The following IPO11 variants were observed in gnomAD, a reference collection of about 807,000 sequenced individuals.
IPO11 encodes importin 11.
A neutral mutation model predicts 143.2 loss-of-function variants in IPO11; 66 were observed. The observed-to-expected ratio is 0.46, with a 90% CI of 0.38 to 0.57. The LOEUF (loss-of-function observed/expected upper bound fraction) is 0.57. Among genes scored for constraint, IPO11 ranks in the 20% least tolerant of loss-of-function variants. The probability of loss-of-function intolerance (pLI) is 0.00; values close to 1 mark genes in which losing one functional copy is unlikely to be tolerated. For synonymous variants in IPO11, 385 were observed against 377.8 expected, an observed-to-expected ratio of 1.02 and a Z score of -0.22; for missense variants, 1,026 against 1,141.0, an observed-to-expected ratio of 0.90 and a Z score of 1.45.
intron 8 of IPO11, among the ~76,000 whole-genome samples, 161 bp from the exon 9 acceptor site, chr5:62,476,521 TG>T (rs1745962547): frequency 6.6e-6 from 1 of 152,192 alleles, no homozygotes; most frequent in Non-Finnish European, 1.5e-5. Flanking sequence ...AGGGCTACTG[TG>T]TCTGTTACTC....
intron 20 of IPO11, among the ~76,000 whole-genome samples, chr5:62,519,215 A>G (rs749096012): frequency 1.3e-5 from 2 of 152,266 alleles, no homozygotes; most frequent in Admixed American, 1.3e-4. Flanking sequence ...CTACCTAAGC[A>G]TTAGAGAATG....
rs1744046260 is a variant in IPO11, at chr5:62,568,911, A to G, written c.2582+7654A>G. ...TTCAGAGGGTCTTCAGGAATTCAAA[A>G]GGGACTGACTGTTCACTTCCCTAAG... On this transcript the variant is annotated intron_variant, in intron 27 of 29. Transcript: ENST00000325324. Among the ~76,000 whole-genome samples, 3 of 152,212 alleles carry G rather than the reference A, an allele frequency of 2.0e-5. No individual in the cohort carries two copies. The South Asian group carries it at 6.2e-4, about 32-fold the overall frequency.
intron 27 of IPO11, among the ~76,000 whole-genome samples, chr5:62,587,457 T>G (rs1744838545): frequency 1.3e-5 from 2 of 152,242 alleles, no homozygotes; most frequent in South Asian, 4.1e-4. Context: ...GCAGGCTGTA[T>G]CCTGGAAAAT....
chr5:62,503,351 T>TAATATATTAATATTATCTAC, intron 16 of IPO11, among the ~76,000 whole-genome samples: 1 of 105,982 alleles, frequency 9.4e-6, no homozygotes, highest in Non-Finnish European at 1.9e-5. Context: ...ATAGTATCTA[T>TAATATATTAATATTATCTAC]TAATATATTA....
chr5:62,536,877 G>T, intron 23 of IPO11, 96 bp downstream of exon 23: 1 of 1,217,698 alleles, frequency 8.2e-7, no homozygotes, highest in Non-Finnish European at 1.1e-6. Flanking sequence ...TTTTAAGATT[G>T]GTCTGTTATT....
intron 2 of IPO11, 127 bp downstream of exon 2, chr5:62,437,544 G>A: frequency 1.5e-6 from 1 of 672,330 alleles, no homozygotes; most frequent in East Asian, 3.0e-5. Context: ...TGATGCCTTT[G>A]CCATTATCTT....
At chr5:62,497,046 C>T (rs1408902444) in intron 16 of IPO11, among the ~76,000 whole-genome samples, 1 of 152,160 alleles carries the variant, frequency 6.6e-6, no homozygotes, top group Non-Finnish European at 1.5e-5. Flanking sequence ...AATCGAATTC[C>T]TCTCTGGCTT....
chr5:62,507,534 G>A (rs1741594880), intron 19 of IPO11, among the ~76,000 whole-genome samples: 1 of 152,080 alleles, frequency 6.6e-6, no homozygotes, highest in South Asian at 2.1e-4. Context: ...AAATGGTAAA[G>A]ATAATTCTGA....
intron 26 of IPO11, among the ~76,000 whole-genome samples, chr5:62,551,933 G>A (rs936438217): frequency 6.6e-6 from 1 of 152,058 alleles, no homozygotes; most frequent in African/African-American, 2.4e-5. Context: ...AGACATCCTG[G>A]CTAACACAGT....
chr5:62,581,128 G>A lies in IPO11; in HGVS notation c.2583-10449G>A, dbSNP rs1417752871. 2.6e-6 allele frequency: 4 copies of A among 1,549,906 alleles called. No individual in the cohort carries two copies. The African/African-American group carries it at 5.5e-5, about 21-fold the overall frequency. The stretch of plus-strand genomic sequence containing the variant: ...ACTAAAGGCATCAGAAAACTCAAGG[G>A]AAAATAGACTTGAATACTACAGCTT... On this transcript the variant is annotated intron_variant, in intron 27 of 29. Transcript: ENST00000325324.
intron 19 of IPO11, among the ~76,000 whole-genome samples, chr5:62,507,913 G>A (rs1446448338): frequency 1.3e-5 from 2 of 152,018 alleles, no homozygotes; most frequent in African/African-American, 4.8e-5. Context: ...GTAACAATAA[G>A]GTATAGTTAT....
chr5:62,444,102 T>TC (rs1170863447), intron 3 of IPO11, among the ~76,000 whole-genome samples: 3 of 151,440 alleles, frequency 2.0e-5, no homozygotes, highest in African/African-American at 4.8e-5. Flanking sequence ...TTTTTCTTTT[T>TC]TTTTTTTTTT....
At chr5:62,575,631 G>A (rs1222357802) in intron 27 of IPO11, among the ~76,000 whole-genome samples, 1 of 152,088 alleles carries the variant, frequency 6.6e-6, no homozygotes, top group Non-Finnish European at 1.5e-5. Flanking sequence ...ATTTCCTTAT[G>A]GTTAGATTTA....
rs1164647878 is a variant in IPO11, at chr5:62,476,670, G to A, written c.758-13G>A. ...CTTATTAACTTCTAATATTTGAAATGTATTTTTAACAGGTAGAAGTATAGG... is the reference window on the plus strand; with the variant it reads ...CTTATTAACTTCTAATATTTGAAATATATTTTTAACAGGTAGAAGTATAGG... On this transcript the variant is annotated splice_polypyrimidine_tract_variant and intron_variant, in intron 8 of 29. Transcript: ENST00000325324. 23 of 1,504,826 alleles carry A rather than the reference G, an allele frequency of 1.5e-5. No individual in the cohort carries two copies. Among genetic ancestry groups the A allele is most frequent in the Non-Finnish European group, 2.0e-5 (22 of 1,124,312 alleles). The allele number at this position is 1,504,826 out of a possible 1,614,324, so 93.2% of individuals were successfully genotyped here. A position where few individuals can be genotyped will look rare whatever the true frequency, so the allele number is the denominator to read the frequency against.
rs1470505778 is a variant in IPO11 at position 62,538,048 on chromosome 5, A to G, written c.2250+759A>G. On this transcript the variant is annotated intron_variant, in intron 24 of 29. Transcript: ENST00000325324. ...AAAATAAATATAAAATTGATTAAAA[A>G]AAAGTACCTTTATTTTTAGTGTTGA... Among the ~76,000 whole-genome samples, 3 of 152,160 alleles carry G rather than the reference A, an allele frequency of 2.0e-5. No individual in the cohort carries two copies. The East Asian group carries it at 5.8e-4, about 29-fold the overall frequency.
intron 27 of IPO11, chr5:62,580,295 A>T: frequency 6.5e-7 from 1 of 1,539,260 alleles, no homozygotes; most frequent in Non-Finnish European, 8.8e-7. Flanking sequence ...TTAAGTCATA[A>T]TGATTTAGAG....
At chr5:62,429,042 G>A (rs535838058) in intron 1 of IPO11, among the ~76,000 whole-genome samples, 28 of 152,232 alleles carry the variant, frequency 1.8e-4, no homozygotes, top group African/African-American at 6.5e-4. Flanking sequence ...TTTACAGTCC[G>A]TGTAATTCAC....
chr5:62,546,650 G>C (rs1743203646), intron 24 of IPO11, among the ~76,000 whole-genome samples: 1 of 152,004 alleles, frequency 6.6e-6, no homozygotes, highest in Admixed American at 6.6e-5. Flanking sequence ...GAAAGGGAAT[G>C]GGTTTAAACT....
intron 28 of IPO11, among the ~76,000 whole-genome samples, chr5:62,596,954 C>T (rs1456856249): frequency 6.6e-6 from 1 of 152,180 alleles, no homozygotes; most frequent in Non-Finnish European, 1.5e-5. Flanking sequence ...GTGTCAAGCC[C>T]TTATCCTCCT....
Sources: allele counts gnomAD v4.1 joint callset (sites outside exome capture counted in the v4.1 genomes callset), GRCh38; gene constraint gnomAD v4.1.1; transcripts MANE v1.5; gene names NCBI Gene and HGNC (gene_info 2026-07-23, HGNC 2026-07-21).